Variants in LSAMP observed in about 807,000 individuals in gnomAD.
LSAMP encodes the protein limbic system associated membrane protein, also known as limbic system-associated membrane protein.
A neutral mutation model predicts 38.6 loss-of-function variants in LSAMP; 7 were observed. The ratio of observed to expected loss-of-function variants is 0.18; its 90% CI spans 0.10 to 0.34. LSAMP has a LOEUF of 0.34. Ranked by LOEUF, LSAMP falls within the 10% of genes least tolerant of loss-of-function variation. The probability of loss-of-function intolerance (pLI) is 1.00; values close to 1 mark genes in which losing one functional copy is unlikely to be tolerated. For missense variants in LSAMP, 313 were observed against 420.0 expected (o/e 0.75, Z 2.23); for synonymous variants, 154 against 166.8 (o/e 0.92, Z 0.59).
intron 2 of LSAMP, among the ~76,000 whole-genome samples, chr3:116,048,976 T>A (rs887510718): frequency 6.6e-6 from 1 of 152,208 alleles, no homozygotes; most frequent in Non-Finnish European, 1.5e-5. Flanking sequence ...TATGCAGGAA[T>A]GAATTAGCTG....
intron 2 of LSAMP, among the ~76,000 whole-genome samples, chr3:116,077,165 T>G (rs918881435): frequency 6.6e-6 from 1 of 152,028 alleles, no homozygotes; most frequent in Non-Finnish European, 1.5e-5. Context: ...TATTGATAAA[T>G]TTATTTCCTC....
At chr3:116,138,807 AC>A (rs887719526) in intron 1 of LSAMP, among the ~76,000 whole-genome samples, 9 of 146,586 alleles carry the variant, frequency 6.1e-5, no homozygotes, top group African/African-American at 2.2e-4. Flanking sequence ...CTGAAGTCTT[AC>A]CTTACGTAAA....
At chr3:116,124,567 T>G (rs1708961421) in intron 1 of LSAMP, among the ~76,000 whole-genome samples, 1 of 152,198 alleles carries the variant, frequency 6.6e-6, no homozygotes, top group Non-Finnish European at 1.5e-5. Flanking sequence ...AAAGACTGAT[T>G]GTATCACCAA....
At chr3:116,135,039 C>T (rs780531228) in intron 1 of LSAMP, among the ~76,000 whole-genome samples, 13 of 152,056 alleles carry the variant, frequency 8.5e-5, no homozygotes, top group African/African-American at 1.7e-4. Context: ...ATCACTAAAA[C>T]GAATTTTCCA....
intron 2 of LSAMP, among the ~76,000 whole-genome samples, chr3:116,061,598 A>T (rs746134213): frequency 2.0e-5 from 3 of 152,186 alleles, no homozygotes; most frequent in Non-Finnish European, 2.9e-5. Flanking sequence ...CCCTGCCCCT[A>T]AGTTCCAACA....
chr3:116,160,246 A>C (rs1376045384), intron 1 of LSAMP, among the ~76,000 whole-genome samples: 2 of 152,192 alleles, frequency 1.3e-5, no homozygotes, highest in Non-Finnish European at 2.9e-5. Context: ...CCAAAAATAC[A>C]AAAGTAGCCA....
chr3:116,198,778 A>AAAAAAAAAAAG (rs1323795880), intron 1 of LSAMP, among the ~76,000 whole-genome samples: 9 of 146,004 alleles, frequency 6.2e-5, no homozygotes, highest in East Asian at 5.9e-4. Context: ...CTCAGAAAAA[A>AAAAAAAAAAAG]AAAGAAAATC....
At chr3:116,338,216 A>G (rs2047947785) in intron 1 of LSAMP, among the ~76,000 whole-genome samples, 1 of 151,970 alleles carries the variant, frequency 6.6e-6, no homozygotes, top group Non-Finnish European at 1.5e-5. Flanking sequence ...ATTTAGGATG[A>G]CTGTGGTCTA....
intron 2 of LSAMP, among the ~76,000 whole-genome samples, chr3:116,036,913 G>T (rs1002696694): frequency 6.6e-6 from 1 of 152,120 alleles, no homozygotes; most frequent in African/African-American, 2.4e-5. Flanking sequence ...TAGCATAGCT[G>T]CTGGAATAAA....
intron 6 of LSAMP, among the ~76,000 whole-genome samples, chr3:115,835,206 T>C (rs796653289): frequency 2.2e-4 from 34 of 152,270 alleles, no homozygotes; most frequent in African/African-American, 7.9e-4. Context: ...ATTCCTTAAT[T>C]CCCCCTCTTT....
At chr3:116,425,742 TAATA>T (rs201880647) in intron 1 of LSAMP, among the ~76,000 whole-genome samples, 3 of 151,610 alleles carry the variant, frequency 2.0e-5, no homozygotes, top group Non-Finnish European at 4.4e-5. Flanking sequence ...AGTCCATAAA[TAATA>T]AATAAATTAA....
chr3:116,188,102 T>A (rs544085851), intron 1 of LSAMP, among the ~76,000 whole-genome samples: 22 of 152,276 alleles, frequency 1.4e-4, no homozygotes, highest in African/African-American at 5.1e-4. Flanking sequence ...ACAGGCCCTT[T>A]CAAAGTTCAT....
intron 1 of LSAMP, 97 bp from the exon 2 acceptor site, chr3:116,086,653 T>C: frequency 1.1e-6 from 1 of 885,978 alleles, no homozygotes; most frequent in South Asian, 1.5e-5. Flanking sequence ...ACAAGGAAAA[T>C]AATTATATGC....
intron 1 of LSAMP, among the ~76,000 whole-genome samples, chr3:116,105,538 C>T (rs1291444453): frequency 6.6e-6 from 1 of 151,812 alleles, no homozygotes; most frequent in Admixed American, 6.6e-5. Flanking sequence ...GGGGGTTGTT[C>T]TCTGGTGGGC....
chr3:116,128,874 G>C (rs1345315951), intron 1 of LSAMP, among the ~76,000 whole-genome samples: 1 of 152,106 alleles, frequency 6.6e-6, no homozygotes, highest in East Asian at 1.9e-4. Flanking sequence ...TTAAAACAAT[G>C]TGTCACTAAT....
chr3:116,349,167 A>G (rs1425582416), intron 1 of LSAMP, among the ~76,000 whole-genome samples: 1 of 152,076 alleles, frequency 6.6e-6, no homozygotes, highest in Non-Finnish European at 1.5e-5. Flanking sequence ...AAAGCAATCA[A>G]TAACAGCTAT....
chr3:115,992,966 A>G (rs113879626), intron 3 of LSAMP, among the ~76,000 whole-genome samples: 7 of 152,138 alleles, frequency 4.6e-5, no homozygotes, highest in African/African-American at 1.4e-4. Context: ...TACTGGATGT[A>G]TGGATGGTGC....
chr3:116,199,908 G>C (rs545019067), intron 1 of LSAMP, among the ~76,000 whole-genome samples: 1 of 152,004 alleles, frequency 6.6e-6, no homozygotes, highest in East Asian at 1.9e-4. Flanking sequence ...TGTTTATATT[G>C]GGTGGCAGAT....
At chr3:116,353,553 G>A (rs1439231538) in intron 1 of LSAMP, among the ~76,000 whole-genome samples, 1 of 151,912 alleles carries the variant, frequency 6.6e-6, no homozygotes, top group Non-Finnish European at 1.5e-5. Flanking sequence ...AATCCAGTAC[G>A]TGCAGAGTAC....
Sources: allele counts gnomAD v4.1 joint callset (sites outside exome capture counted in the v4.1 genomes callset), GRCh38; gene constraint gnomAD v4.1.1; transcripts MANE v1.5; gene names NCBI Gene and HGNC (gene_info 2026-07-23, HGNC 2026-07-21).